The following LRPPRC variants were observed in gnomAD, a reference collection of about 807,000 sequenced individuals.
LRPPRC encodes the protein leucine-rich PPR motif-containing protein, mitochondrial.
LRPPRC carries 120 observed loss-of-function variants against 180.3 expected under a neutral mutation model. The ratio of observed to expected loss-of-function variants is 0.67; its 90% confidence interval spans 0.57 to 0.77. The LOEUF is 0.77. LRPPRC is among the 30% of genes least tolerant of loss of function. The probability of loss-of-function intolerance (pLI) is 0.00; values close to 1 mark genes in which losing one functional copy is unlikely to be tolerated. For synonymous variants in LRPPRC, 723 were observed against 600.0 expected (o/e 1.21, Z -3.00); for missense variants, 2,012 against 1,657.2 (o/e 1.21, Z -3.72).
intron 18 of LRPPRC, 152 bp downstream of exon 18, chr2:43,947,970 T>C (rs1204048223): frequency 3.0e-6 from 2 of 657,100 alleles, no homozygotes; most frequent in Non-Finnish European, 5.4e-6. Context: ...ATAAATAGTA[T>C]TTATGAACAA....
At chr2:43,935,012 A>G (rs1324899183) in intron 23 of LRPPRC, 134 bp from the exon 24 acceptor site, 2 of 641,146 alleles carry the variant, frequency 3.1e-6, no homozygotes, top group Admixed American at 3.2e-5. Flanking sequence ...GAAAACCACA[A>G]AGCTAAAATG....
chr2:43,935,951 C>T (rs1173864341), intron 23 of LRPPRC, among the ~76,000 whole-genome samples: 4 of 152,048 alleles, frequency 2.6e-5, no homozygotes, highest in East Asian at 1.9e-4. Context: ...GGCGTGATGG[C>T]GCATGCCTGT....
At chr2:43,996,070 C>T (rs114667369), upstream of LRPPRC, 5 of 952,594 alleles carry the variant, frequency 5.2e-6, no homozygotes, top group Non-Finnish European at 7.8e-6. Flanking sequence ...GGGGGAGCGA[C>T]GGATTGTTTT....
In LRPPRC at chr2:43,887,687, AT is replaced by A. The variant is rs1302965312; in HGVS notation, c.*912del. 9 of 152,160 alleles carry A rather than the reference AT, an allele frequency of 5.9e-5. No homozygotes were observed. Among genetic ancestry groups the A allele is most frequent in the Non-Finnish European group, 1.3e-4 (9 of 68,006 alleles). The allele number at this position is 152,160 out of a possible 1,614,324, so 9.4% of individuals were successfully genotyped here. The stretch of plus-strand genomic sequence containing the variant: ...TAATGGCAAACTCTCCTGACTACCT[AT>A]CTTAGAATTTTTTTGAAGTCACTAC... On this transcript the variant is annotated 3_prime_UTR_variant, in exon 38 of 38. Coordinates refer to ENST00000260665, the MANE Select transcript of LRPPRC (RefSeq NM_133259.4).
At chr2:43,922,783 T>C (rs1289690650) in intron 27 of LRPPRC, among the ~76,000 whole-genome samples, 1 of 152,126 alleles carries the variant, frequency 6.6e-6, no homozygotes, top group Non-Finnish European at 1.5e-5. Context: ...ACTGAGTCCA[T>C]GTAACAATAT....
intron 29 of LRPPRC, among the ~76,000 whole-genome samples, chr2:43,915,286 C>A (rs940836851): frequency 2.1e-5 from 3 of 143,270 alleles, no homozygotes; most frequent in African/African-American, 5.2e-5. Flanking sequence ...ACAAGTTCAT[C>A]AGAACATTTA....
Position 43,974,590 on chromosome 2 carries a change from GTAAA to G in LRPPRC, c.1009+20_1009+23del, listed in dbSNP as rs1673964814. The G allele has an allele frequency of 7.0e-7, 1 of 1,435,920 alleles. No individual in the cohort carries two copies. The highest frequency in any genetic ancestry group is 9.7e-7 in the Non-Finnish European group (1 of 1,028,158). The allele number at this position is 1,435,920 out of a possible 1,614,324, so 88.9% of individuals were successfully genotyped here. ...CAATTCAGATTTTTATAAAAATCATGTAAATAGATTTTTTTAAAACTACCTGGAA... is the reference window on the plus strand; with the variant it reads ...CAATTCAGATTTTTATAAAAATCATGTAGATTTTTTTAAAACTACCTGGAA... On this transcript the variant is annotated intron_variant, in intron 8 of 37. Coordinates refer to ENST00000260665, the MANE Select transcript of LRPPRC (RefSeq NM_133259.4).
intron 27 of LRPPRC, among the ~76,000 whole-genome samples, chr2:43,920,684 TAAA>T (rs71393214): frequency 2.0e-4 from 29 of 146,928 alleles, no homozygotes; most frequent in East Asian, 7.8e-4. Flanking sequence ...TTATTTGATT[TAAA>T]AAAAAAAAAA....
Position 43,974,238 on chromosome 2 carries a change from TGCAAC to T in LRPPRC, c.1062_1066del (p.Leu355AsnfsTer39). 1 of 1,611,782 alleles carries T rather than the reference TGCAAC, an allele frequency of 6.2e-7. No homozygotes were observed. Among genetic ancestry groups the T allele is most frequent in the Non-Finnish European group, 8.5e-7 (1 of 1,177,840 alleles). ...TGATACGGGGCATGCTAGTAAAATT[TGCAAC>T]GCTACATCTTCCAATTTTTCAGTGA... On this transcript the variant is annotated frameshift_variant, in exon 9 of 38. Transcript: ENST00000260665. LOFTEE classifies it high-confidence loss of function.
At chr2:43,927,139 C>G (rs201994465) in intron 25 of LRPPRC, among the ~76,000 whole-genome samples, 1 of 152,192 alleles carries the variant, frequency 6.6e-6, no homozygotes, top group East Asian at 1.9e-4. Context: ...ACATTTCAAT[C>G]ACAGCATTAT....
At chr2:43,951,014 G>C (rs1329341163) in intron 14 of LRPPRC, among the ~76,000 whole-genome samples, 4 of 152,060 alleles carry the variant, frequency 2.6e-5, no homozygotes, top group African/African-American at 9.7e-5. Context: ...AGGTTGCAGT[G>C]AGCCGAGATC....
upstream of LRPPRC, chr2:43,996,078 T>G (rs1402730261): frequency 2.8e-5 from 24 of 856,162 alleles, no homozygotes; most frequent in Non-Finnish European, 4.1e-5. Flanking sequence ...GACGGATTGT[T>G]TTAGGTTGGA....
intron 25 of LRPPRC, among the ~76,000 whole-genome samples, chr2:43,933,837 T>G (rs1032256264): frequency 5.9e-5 from 9 of 152,186 alleles, no homozygotes; most frequent in African/African-American, 2.2e-4. Flanking sequence ...TCCACTGCTT[T>G]TAAGAACAAA....
chr2:43,946,273 G>T, intron 20 of LRPPRC, 30 bp from the exon 21 acceptor site: 2 of 1,585,302 alleles, frequency 1.3e-6, no homozygotes, highest in East Asian at 2.2e-5. Context: ...TGAAAAAGAA[G>T]AAATCAGTGT....
intron 23 of LRPPRC, among the ~76,000 whole-genome samples, chr2:43,939,006 CTCACG>C (rs893070990): frequency 3.3e-5 from 5 of 151,964 alleles, no homozygotes; most frequent in Non-Finnish European, 5.9e-5. Flanking sequence ...GGCGCGGTGG[CTCACG>C]CCTGTAATCC....
chr2:43,950,639 T>G (rs1478456434), intron 14 of LRPPRC, 39 bp from the exon 15 acceptor site: 14 of 1,528,650 alleles, frequency 9.2e-6, no homozygotes, highest in Non-Finnish European at 1.2e-5. Flanking sequence ...AAACCCAGGT[T>G]TATTTTCAAG....
At chr2:43,995,637 G>A (rs907588094) in intron 1 of LRPPRC, 162 bp downstream of exon 1, 2 of 650,188 alleles carry the variant, frequency 3.1e-6, no homozygotes, top group Non-Finnish European at 4.6e-6. Context: ...CCTGTCACCC[G>A]AAAACCCCTG....
Position 43,886,499 on chromosome 2 carries a change from T to C in LRPPRC, c.*2101A>G, listed in dbSNP as rs1327987950. The stretch of plus-strand genomic sequence containing the variant: ...TTATACTTTAAATATTTATATTCAA[T>C]AGGGGAATCAATACAATACAAAAGA... On this transcript the variant is annotated 3_prime_UTR_variant, in exon 38 of 38. Transcript: ENST00000260665. The C allele has an allele frequency of 1.3e-5, 2 of 152,220 alleles. No homozygotes were observed. The highest frequency in any genetic ancestry group is 1.9e-4 in the East Asian group (1 of 5,200). 9.4% of individuals were successfully genotyped at this position (152,220 alleles called of 1,614,324 possible).
chr2:43,895,457 C>T (rs1670644882), intron 35 of LRPPRC, among the ~76,000 whole-genome samples: 1 of 152,206 alleles, frequency 6.6e-6, no homozygotes. Context: ...ATTTCCCGTC[C>T]CATCTCCTGG....
Sources: allele counts gnomAD v4.1 joint callset (sites outside exome capture counted in the v4.1 genomes callset), GRCh38; gene constraint gnomAD v4.1.1; transcripts MANE v1.5; gene names NCBI Gene and HGNC (gene_info 2026-07-23, HGNC 2026-07-21).